HSPA12A: variants seen among roughly 807,000 people sequenced by gnomAD.
HSPA12A encodes the protein heat shock protein family A (Hsp70) member 12A.
HSPA12A carries 28 observed loss-of-function variants against 69.2 expected under a neutral mutation model. The ratio of observed to expected loss-of-function variants is 0.40; its 90% CI spans 0.30 to 0.55. HSPA12A has a LOEUF of 0.55. Among genes scored for constraint, HSPA12A ranks in the 20% least tolerant of loss-of-function variants. The probability of loss-of-function intolerance (pLI) is 0.38; values close to 1 mark genes in which losing one functional copy is unlikely to be tolerated. For synonymous variants in HSPA12A, 345 were observed against 370.5 expected, an observed-to-expected ratio of 0.93 and a Z score of 0.79; for missense variants, 686 against 900.7, an observed-to-expected ratio of 0.76 and a Z score of 3.05.
At chr10:116,755,815 A>T (rs1321051706) in intron 2 of HSPA12A, among the ~76,000 whole-genome samples, 2 of 151,440 alleles carry the variant, frequency 1.3e-5, no homozygotes, top group Non-Finnish European at 2.9e-5. Flanking sequence ...CAAAAAAAAA[A>T]AAAAAAATAC....
chr10:116,742,725 G>A (rs538479076), upstream of HSPA12A, among the ~76,000 whole-genome samples: 271 of 151,564 alleles, frequency 1.8e-3, 1 homozygote, highest in African/African-American at 6.0e-3. Context: ...GCCTGGCTCC[G>A]GAGCTGCGCT....
At position 116,742,436 on chromosome 10, in the gene HSPA12A, GC is replaced by G; in HGVS notation, c.33del (p.Arg13GlufsTer21). 1 of 1,414,872 alleles carries G rather than the reference GC, an allele frequency of 7.1e-7. No homozygotes were observed. The highest frequency in any genetic ancestry group is 9.2e-7 in the Non-Finnish European group (1 of 1,083,630). 87.6% of individuals were successfully genotyped at this position (1,414,872 alleles called of 1,614,324 possible). A position where few individuals can be genotyped will look rare whatever the true frequency, so the allele number is the denominator to read the frequency against. On this transcript the variant is annotated frameshift_variant, in exon 1 of 12. Coordinates refer to ENST00000369209, the MANE Select transcript of HSPA12A (RefSeq NM_025015.3). LOFTEE classifies it high-confidence loss of function. MADKEAGGSD[G>X]PRETAPTSAY... is the part of the protein sequence containing the mutation. ...ACCCGCAGCCTGCGCTCACCTCGGG[GC>G]CCGTCGCTGCCGCCGGCCTCCTTGT...
rs1270699896 is a variant in HSPA12A, at chr10:116,723,299, C to A, written c.41-16014G>T. 6.6e-6 allele frequency among the ~76,000 whole-genome samples: 1 copy of A among 152,156 alleles called. No individual in the cohort carries two copies. Among genetic ancestry groups the A allele is most frequent in the Non-Finnish European group, 1.5e-5 (1 of 68,024 alleles). ...GAAAGCCATCTGCCATCCCTCAGGC[C>A]TGGCTTGTGCACTGGCTGTCTGCAG... is the stretch of plus-strand genomic sequence containing the variant. On this transcript the variant is annotated intron_variant, in intron 1 of 11. Transcript: ENST00000369209. The surrounding 1 kb of genome is among the most constrained non-coding windows in gnomAD (Gnocchi z 4.1).
At chr10:116,678,990 CT>C (rs1246309971) in intron 10 of HSPA12A, among the ~76,000 whole-genome samples, 12 of 151,382 alleles carry the variant, frequency 7.9e-5, no homozygotes, top group Admixed American at 5.9e-4. Context: ...TTATTTTTAT[CT>C]TTTTTTTTAA....
rs782559165 is a variant in HSPA12A, at chr10:116,674,993, C to T, written c.1816G>A (p.Glu606Lys). 10 of 1,614,114 alleles carry T rather than the reference C, an allele frequency of 6.2e-6. No homozygotes were observed. Among genetic ancestry groups the T allele is most frequent in the Non-Finnish European group, 8.5e-6 (10 of 1,180,030 alleles). ...LVIVINIYSS[E>K]HDNVSFITDP... ...GTGATGAAGCTGACGTTGTCGTGCT[C>T]AGAGCTGTAGATGTTGATGACAATG... Residue 606 changes from glutamate (E) to lysine (K), a missense_variant, in exon 12 of 12, where the codon GAG becomes AAG. By Grantham distance (56) the Glu-to-Lys change is moderately conservative. Transcript: ENST00000369209.
At chr10:116,676,713 C>T (rs1554877785) in intron 10 of HSPA12A, among the ~76,000 whole-genome samples, 1 of 152,198 alleles carries the variant, frequency 6.6e-6, no homozygotes, top group Non-Finnish European at 1.5e-5. Context: ...TTCTCTGTAT[C>T]TTAAGTTTGG....
At chr10:116,764,814 C>T (rs1207330811) in intron 2 of HSPA12A, among the ~76,000 whole-genome samples, 1 of 152,066 alleles carries the variant, frequency 6.6e-6, no homozygotes, top group African/African-American at 2.4e-5. Context: ...AGTAGAGATA[C>T]AATATAGCCA....
intron 1 of HSPA12A, among the ~76,000 whole-genome samples, chr10:116,721,980 T>C (rs1850797614): frequency 2.0e-5 from 3 of 152,328 alleles, no homozygotes. Flanking sequence ...CTTTATACCT[T>C]GTTACCATGC....
At chr10:116,687,758 ACT>A (rs1359718448) in intron 6 of HSPA12A, among the ~76,000 whole-genome samples, 1 of 152,006 alleles carries the variant, frequency 6.6e-6, no homozygotes, top group African/African-American at 2.4e-5. Context: ...ACCACAGAAC[ACT>A]CTCCGTCTTT....
intron 6 of HSPA12A, 34 bp from the exon 7 acceptor site, chr10:116,683,996 C>T (rs368051767): frequency 2.2e-5 from 34 of 1,512,372 alleles, no homozygotes; most frequent in Middle Eastern, 2.5e-4. Flanking sequence ...GGACCCAGGG[C>T]CCCCTGGGCC....
At position 116,773,505 on chromosome 10, in the gene HSPA12A, T is replaced by C. The variant is rs1271633447; in HGVS notation, c.91+61430A>G. 2.0e-5 allele frequency among the ~76,000 whole-genome samples: 3 copies of C among 152,222 alleles called. No homozygotes were observed. The East Asian group carries it at 5.8e-4, about 29-fold the overall frequency. ...CCCAGCGGGTTTCGAGAAGGTAACA[T>C]GACCAGGGAGCAGTTCTGCCTCCCT... is the stretch of plus-strand genomic sequence containing the variant. On this transcript the variant is annotated intron_variant, in intron 2 of 12. Coordinates refer to the HSPA12A transcript ENST00000635765.
chr10:116,707,090 TG>T, intron 2 of HSPA12A, 109 bp downstream of exon 2: 1 of 858,764 alleles, frequency 1.2e-6, no homozygotes, highest in Non-Finnish European at 1.8e-6. Flanking sequence ...GCCTGAACTG[TG>T]AGATCAGACC....
intron 2 of HSPA12A, among the ~76,000 whole-genome samples, chr10:116,765,616 CTAT>C (rs1175528355): frequency 6.6e-6 from 1 of 152,130 alleles, no homozygotes; most frequent in Non-Finnish European, 1.5e-5. Context: ...GTTGATTGCA[CTAT>C]TCTTATAATT....
Position 116,675,043 on chromosome 10 carries a change from G to T in HSPA12A, c.1766C>A (p.Thr589Asn), listed in dbSNP as rs1383357606. The T allele has an allele frequency of 3.7e-6, 6 of 1,614,056 alleles. No individual in the cohort carries two copies. Among genetic ancestry groups the T allele is most frequent in the Non-Finnish European group, 5.1e-6 (6 of 1,180,016 alleles). Residue 589 changes from threonine (T) to asparagine (N), a missense_variant, in exon 12 of 12, where the codon ACC becomes AAC. Thr to Asn is a moderately conservative substitution (Grantham distance 65, BLOSUM62 0). Coordinates refer to ENST00000369209, the MANE Select transcript of HSPA12A (RefSeq NM_025015.3). This position sits in a 1 kb window ranked among gnomAD's most constrained non-coding sequence, Gnocchi z 5.2. ...ALGELVKRSY[T>N]PAKPSQLVIV... Reference sequence around the variant, plus strand: ...GACCAGCTGGGAGGGCTTGGCCGGGGTGTAGCTACGCTTGACCAGCTCACC... The same window carrying T: ...GACCAGCTGGGAGGGCTTGGCCGGGTTGTAGCTACGCTTGACCAGCTCACC...
intron 1 of HSPA12A, among the ~76,000 whole-genome samples, chr10:116,712,915 C>CAAAT (rs1850478912): frequency 6.9e-6 from 1 of 144,298 alleles, no homozygotes; most frequent in Non-Finnish European, 1.5e-5. Context: ...ACGTATCCAT[C>CAAAT]AAATAAATGC....
chr10:116,756,975 TTA>T (rs1371519599), intron 2 of HSPA12A, among the ~76,000 whole-genome samples: 4 of 152,176 alleles, frequency 2.6e-5, no homozygotes, highest in Non-Finnish European at 4.4e-5. Context: ...TCATTGTGGA[TTA>T]TGTTTAATTC....
rs1554877381 is a variant in HSPA12A at position 116,675,036 on chromosome 10, G to A, written c.1773C>T (p.Ala591=). The A allele has an allele frequency of 6.2e-7, 1 of 1,614,162 alleles. No homozygotes were observed. The highest frequency in any genetic ancestry group is 1.7e-5 in the Admixed American group (1 of 60,034). Residue 591 remains alanine (A), a synonymous_variant, in exon 12 of 12, where the codon GCC becomes GCT. Transcript: ENST00000369209. The surrounding 1 kb of genome is among the most constrained non-coding windows in gnomAD (Gnocchi z 5.2). ...TGACAATGACCAGCTGGGAGGGCTT[G>A]GCCGGGGTGTAGCTACGCTTGACCA... ...GELVKRSYTP[A]KPSQLVIVIN...
chr10:116,680,082 CTGGGTTGAAG>C (rs1220654730), intron 9 of HSPA12A, among the ~76,000 whole-genome samples: 4 of 152,180 alleles, frequency 2.6e-5, no homozygotes, highest in Admixed American at 6.5e-5. Context: ...TCTCCGCCTC[CTGGGTTGAAG>C]TGATTCTCCT....
intron 6 of HSPA12A, among the ~76,000 whole-genome samples, chr10:116,687,755 AACAC>A (rs1461436427): frequency 1.3e-5 from 2 of 152,282 alleles, no homozygotes; most frequent in East Asian, 3.9e-4. Context: ...GCAACCACAG[AACAC>A]TCTCCGTCTT....
Sources: gnomAD v4.1 joint callset for allele counts (sites outside exome capture counted in the v4.1 genomes callset) on GRCh38, gnomAD v4.1.1 for gene constraint, Gnocchi (gnomAD v3.1) non-coding constraint, MANE v1.5 for transcripts, NCBI Gene and HGNC (gene_info 2026-07-23, HGNC 2026-07-21) for gene names.